HMGA2: variants seen among roughly 807,000 people sequenced by gnomAD.
HMGA2 encodes the protein high mobility group protein HMGI-C.
A neutral mutation model predicts 19.1 loss-of-function variants in HMGA2; 8 were observed. The observed-to-expected ratio is 0.42, with a 90% confidence interval of 0.25 to 0.76. The LOEUF (loss-of-function observed/expected upper bound fraction) is 0.76, where lower values mean the gene tolerates loss of function less well. HMGA2 is among the 30% of genes least tolerant of loss of function. HMGA2 has a pLI of 0.28. For synonymous variants in HMGA2, 60 were observed against 48.8 expected (o/e 1.23, Z -0.96); for missense variants, 109 against 136.3 (o/e 0.80, Z 1.00).
chr12:65,932,354 ATAATGTTTGATTGTT>A (rs1443800115), intron 3 of HMGA2, among the ~76,000 whole-genome samples: 2 of 152,202 alleles, frequency 1.3e-5, no homozygotes, highest in African/African-American at 4.8e-5. Flanking sequence ...GTTTCTCTTG[ATAATGTTTGATTGTT>A]AACATAAGCA....
intron 4 of HMGA2, chr12:65,952,555 C>T (rs568957326): frequency 1.5e-6 from 2 of 1,377,380 alleles, no homozygotes; most frequent in East Asian, 2.6e-5. Context: ...ATTGCTGCTC[C>T]CATACCTAAA....
At position 65,825,101 on chromosome 12, in the gene HMGA2, T is replaced by C; in HGVS notation, c.-170T>C. ...GCAGCCGCTGGACGTCCGGTGTTGA[T>C]GGTGGCAGCGGCGGCAGCCTAAGCA... On this transcript the variant is annotated 5_prime_UTR_variant, in exon 1 of 5. An upstream start codon of the reference 5' UTR is lost. Coordinates refer to ENST00000403681, the MANE Select transcript of HMGA2 (RefSeq NM_003483.6). The surrounding 1 kb of genome is among the most constrained non-coding windows in gnomAD (Gnocchi z 4.4). The C allele has an allele frequency of 1.9e-6, 1 of 528,186 alleles. No individual in the cohort carries two copies. The highest frequency in any genetic ancestry group is 3.3e-6 in the Non-Finnish European group (1 of 303,774). The allele number at this position is 528,186 out of a possible 1,614,324, so 32.7% of individuals were successfully genotyped here.
chr12:65,906,242 G>GAGGTCACACATAACAATGGCTTGGA (rs1874586959), intron 3 of HMGA2, among the ~76,000 whole-genome samples: 1 of 152,164 alleles, frequency 6.6e-6, no homozygotes, highest in Non-Finnish European at 1.5e-5. Flanking sequence ...AAGTTGCCAT[G>GAGGTCACACATAACAATGGCTTGGA]AGGTCACACA....
intron 3 of HMGA2, among the ~76,000 whole-genome samples, chr12:65,889,456 G>A (rs1040738523): frequency 4.6e-5 from 7 of 152,046 alleles, no homozygotes; most frequent in African/African-American, 7.3e-5. Context: ...GTAAATATAC[G>A]TGTATATGTA....
chr12:65,825,447 G>T lies in HMGA2; in HGVS notation c.111+66G>T. 1 of 1,197,992 alleles carries T rather than the reference G, an allele frequency of 8.3e-7. No homozygotes were observed. The highest frequency in any genetic ancestry group is 2.9e-4 in the Middle Eastern group (1 of 3,474). 74.2% of individuals were successfully genotyped at this position (1,197,992 alleles called of 1,614,324 possible). A position where few individuals can be genotyped will look rare whatever the true frequency, so the allele number is the denominator to read the frequency against. On this transcript the variant is annotated intron_variant, in intron 1 of 4. Coordinates refer to ENST00000403681, the MANE Select transcript of HMGA2 (RefSeq NM_003483.6). The surrounding 1 kb of genome is among the most constrained non-coding windows in gnomAD (Gnocchi z 4.4). ...CCCCACTGCCGGGGCCCAGACACGC[G>T]CGGGGCGGCCGGAGTGCGGGAGCCC...
chr12:65,910,175 T>C (rs369979834), intron 3 of HMGA2, among the ~76,000 whole-genome samples: 1 of 152,182 alleles, frequency 6.6e-6, no homozygotes, highest in African/African-American at 2.4e-5. Context: ...CTTACACTCA[T>C]TTTTACTCAG....
intron 3 of HMGA2, among the ~76,000 whole-genome samples, chr12:65,950,310 A>C (rs1440513132): frequency 6.6e-6 from 1 of 152,242 alleles, no homozygotes; most frequent in Non-Finnish European, 1.5e-5. Context: ...CCAGATGTCC[A>C]CCAACTAATG....
chr12:65,906,336 C>G (rs566891582), intron 3 of HMGA2, among the ~76,000 whole-genome samples: 1 of 152,162 alleles, frequency 6.6e-6, no homozygotes, highest in Admixed American at 6.5e-5. Flanking sequence ...GGGGTCAGTG[C>G]CTCCGATGAT....
At chr12:65,929,510 A>T (rs1168809540) in intron 3 of HMGA2, among the ~76,000 whole-genome samples, 1 of 151,240 alleles carries the variant, frequency 6.6e-6, no homozygotes, top group Non-Finnish European at 1.5e-5. Flanking sequence ...TCATATATAT[A>T]TTTTAGAAAT....
At chr12:65,836,390 C>G (rs148521726) in intron 2 of HMGA2, among the ~76,000 whole-genome samples, 2 of 151,902 alleles carry the variant, frequency 1.3e-5, no homozygotes, top group Non-Finnish European at 2.9e-5. Flanking sequence ...GAAAAACTCC[C>G]TTTAAGGGTT....
At chr12:65,923,936 C>A (rs111809380) in intron 3 of HMGA2, among the ~76,000 whole-genome samples, 2 of 152,102 alleles carry the variant, frequency 1.3e-5, no homozygotes, top group East Asian at 1.9e-4. Flanking sequence ...TTGCACCTGG[C>A]GGGGCGGAGG....
intron 3 of HMGA2, chr12:65,915,326 T>G: frequency 2.9e-6 from 4 of 1,396,096 alleles, no homozygotes; most frequent in Non-Finnish European, 3.7e-6. Flanking sequence ...GTAGTTTCAC[T>G]GCTACCCCAT....
intron 3 of HMGA2, chr12:65,866,852 A>C (rs1039366613): frequency 2.2e-6 from 1 of 456,910 alleles, no homozygotes; most frequent in African/African-American, 2.0e-5. Flanking sequence ...TGCCCTCTCA[A>C]CCCATCTGAG....
intron 3 of HMGA2, among the ~76,000 whole-genome samples, chr12:65,846,662 G>A (rs1017119481): frequency 2.0e-5 from 3 of 152,180 alleles, no homozygotes; most frequent in Admixed American, 1.3e-4. Context: ...TTGGTTGCTT[G>A]TCTCTTTCTT....
At chr12:65,952,478 C>A in intron 4 of HMGA2, 1 of 1,528,060 alleles carries the variant, frequency 6.5e-7, no homozygotes, top group Non-Finnish European at 8.8e-7. Flanking sequence ...AGGAAAGTGT[C>A]TTCAAACAAT....
In HMGA2 at chr12:65,825,211, C is replaced by T; in HGVS notation, c.-60C>T. 7.1e-7 allele frequency: 1 copy of T among 1,414,414 alleles called. No individual in the cohort carries two copies. Among genetic ancestry groups the T allele is most frequent in the Non-Finnish European group, 9.6e-7 (1 of 1,046,264 alleles). The allele number at this position is 1,414,414 out of a possible 1,614,324, so 87.6% of individuals were successfully genotyped here. ...ACCTCATCTCCCGAAAGGTGCTGGG[C>T]AGCTCCGGGGCGGTCGAGGCGAAGC... On this transcript the variant is annotated 5_prime_UTR_variant, in exon 1 of 5. Transcript: ENST00000403681. This position sits in a 1 kb window ranked among gnomAD's most constrained non-coding sequence, Gnocchi z 4.4.
chr12:65,840,549 C>G (rs909342662), intron 3 of HMGA2, among the ~76,000 whole-genome samples: 1 of 152,148 alleles, frequency 6.6e-6, no homozygotes. Flanking sequence ...TTTCTGGTAA[C>G]TGAGGAGGAA....
intron 3 of HMGA2, among the ~76,000 whole-genome samples, chr12:65,887,471 A>T (rs1442563237): frequency 1.3e-5 from 2 of 152,124 alleles, no homozygotes; most frequent in African/African-American, 4.8e-5. Context: ...CCATAATCCC[A>T]GTACTTTGGG....
chr12:65,919,086 A>T (rs545946499), intron 3 of HMGA2, among the ~76,000 whole-genome samples: 1 of 152,362 alleles, frequency 6.6e-6, no homozygotes, highest in South Asian at 2.1e-4. Flanking sequence ...ATGGGCAAAC[A>T]TCAGATAAGA....
Sources: gnomAD v4.1 joint callset for allele counts (sites outside exome capture counted in the v4.1 genomes callset) on GRCh38, gnomAD v4.1.1 for gene constraint, Gnocchi (gnomAD v3.1) non-coding constraint, MANE v1.5 for transcripts, NCBI Gene and HGNC (gene_info 2026-07-23, HGNC 2026-07-21) for gene names.